TRIM2: variants seen among roughly 807,000 people sequenced by gnomAD.
TRIM2 encodes the protein tripartite motif containing 2, also known as tripartite motif-containing protein 2.
In TRIM2, 20 loss-of-function variants were observed where a neutral mutation model predicts 75.2. The ratio of observed to expected loss-of-function variants is 0.27; its 90% CI spans 0.19 to 0.39. The LOEUF is 0.39. Ranked by LOEUF, TRIM2 falls within the 10% of genes least tolerant of loss-of-function variation. TRIM2 has a pLI of 1.00. For missense variants in TRIM2, 660 were observed against 990.8 expected, an observed-to-expected ratio of 0.67 and a Z score of 4.48; for synonymous variants, 373 against 388.3, an observed-to-expected ratio of 0.96 and a Z score of 0.46.
intron 1 of TRIM2, among the ~76,000 whole-genome samples, chr4:153,175,486 G>C (rs778065235): frequency 2.0e-5 from 3 of 151,980 alleles, no homozygotes; most frequent in Non-Finnish European, 2.9e-5. Flanking sequence ...GGGAAACAGC[G>C]GGGGGAGGGG....
rs1560988857 is a variant in TRIM2, at chr4:153,308,051, A to G, written c.1511-7434A>G. On this transcript the variant is annotated intron_variant, in intron 6 of 11. Transcript: ENST00000338700. Reference sequence around the variant, plus strand: ...CTTTCTTGATGCTCTCCAACATGTCATAAGGACTGTAGCTCTTGTACCTAT... The same window carrying G: ...CTTTCTTGATGCTCTCCAACATGTCGTAAGGACTGTAGCTCTTGTACCTAT... The G allele has an allele frequency of 2.6e-4, 201 of 786,786 alleles. 1 individual carries two copies. In the South Asian group the frequency reaches 2.6e-3, roughly 10 times the overall value. 48.7% of individuals were successfully genotyped at this position (786,786 alleles called of 1,614,324 possible).
intron 1 of TRIM2, among the ~76,000 whole-genome samples, chr4:153,167,781 A>G (rs374549927): frequency 6.6e-6 from 1 of 152,200 alleles, no homozygotes; most frequent in African/African-American, 2.4e-5. Flanking sequence ...ACTTAGGTCA[A>G]ACCTTCACAA....
chr4:153,313,345 G>A (rs1022431026), intron 6 of TRIM2, among the ~76,000 whole-genome samples: 3 of 152,142 alleles, frequency 2.0e-5, no homozygotes, highest in Non-Finnish European at 4.4e-5. Flanking sequence ...CAGAGTTAGT[G>A]AGTAAACTTG....
chr4:153,280,503 G>A (rs973066912), intron 3 of TRIM2, among the ~76,000 whole-genome samples: 4 of 149,774 alleles, frequency 2.7e-5, no homozygotes, highest in African/African-American at 9.9e-5. Context: ...CCCTGTCTCA[G>A]CCTCCAGAGT....
At position 153,279,252 on chromosome 4, in the gene TRIM2, A is replaced by C. The variant is rs537869941; in HGVS notation, c.453+3122A>C. 7.6e-4 allele frequency among the ~76,000 whole-genome samples: 116 copies of C among 152,314 alleles called. 1 individual carries two copies. Among genetic ancestry groups the C allele is most frequent in the Non-Finnish European group, 8.7e-4 (59 of 68,032 alleles). On this transcript the variant is annotated intron_variant, in intron 3 of 11. Coordinates refer to ENST00000338700, the MANE Select transcript of TRIM2 (RefSeq NM_015271.5). Reference sequence around the variant, plus strand: ...CAACAATCTGCCTCCCACAAATAAAAAGGCCTGTGCTAAAGTCTGTTAAGC... The same window carrying C: ...CAACAATCTGCCTCCCACAAATAAACAGGCCTGTGCTAAAGTCTGTTAAGC...
In TRIM2 at chr4:153,277,895, A is replaced by G. The variant is rs191724678; in HGVS notation, c.453+1765A>G. Among the ~76,000 whole-genome samples the G allele has an allele frequency of 2.0e-5, 3 of 152,306 alleles. No homozygotes were observed. The East Asian group carries it at 5.8e-4, about 29-fold the overall frequency. ...AAATGCTGCTTTTGAAAGCAGGTTG[A>G]GTATTTTCCTCATGACCACTTCTCA... is the stretch of plus-strand genomic sequence containing the variant. On this transcript the variant is annotated intron_variant, in intron 3 of 11. Coordinates refer to ENST00000338700, the MANE Select transcript of TRIM2 (RefSeq NM_015271.5).
At chr4:153,217,217 C>T (rs534142381) in intron 1 of TRIM2, among the ~76,000 whole-genome samples, 5 of 152,060 alleles carry the variant, frequency 3.3e-5, no homozygotes, top group South Asian at 2.1e-4. Context: ...AAACTCCCCA[C>T]GGAGTATACA....
intron 1 of TRIM2, among the ~76,000 whole-genome samples, chr4:153,239,832 C>CTTTTTTTTT (rs142457664): frequency 1.1e-4 from 16 of 139,446 alleles, no homozygotes; most frequent in South Asian, 4.3e-4. Flanking sequence ...AACTTTCTTT[C>CTTTTTTTTT]TCTTTTTTTT....
intron 10 of TRIM2, 107 bp from the exon 11 acceptor site, chr4:153,328,423 A>G (rs1770715177): frequency 9.7e-6 from 10 of 1,027,896 alleles, no homozygotes; most frequent in Non-Finnish European, 1.2e-5. Context: ...GTCTTAAATG[A>G]TAAGTCTTGT....
chr4:153,159,824 C>G (rs949676578), intron 1 of TRIM2, among the ~76,000 whole-genome samples: 1 of 152,050 alleles, frequency 6.6e-6, no homozygotes, highest in African/African-American at 2.4e-5. Flanking sequence ...ACAGTAGCTC[C>G]GAGTTTAATT....
At chr4:153,194,406 C>T (rs1176802478) in intron 1 of TRIM2, among the ~76,000 whole-genome samples, 2 of 152,088 alleles carry the variant, frequency 1.3e-5, no homozygotes, top group Non-Finnish European at 1.5e-5. Context: ...TTTCATTCCA[C>T]TTAATCATTT....
rs1184516639 is a variant in TRIM2, at chr4:153,338,546, T to G, written c.*3580T>G. The stretch of plus-strand genomic sequence containing the variant: ...TTTAAACTTTATAATTACTTTAATA[T>G]TTTTGATAACTAGAAATCTAGTATT... On this transcript the variant is annotated 3_prime_UTR_variant, in exon 12 of 12. Coordinates refer to ENST00000338700, the MANE Select transcript of TRIM2 (RefSeq NM_015271.5). 1 of 983,876 alleles carries G rather than the reference T, an allele frequency of 1.0e-6. No individual in the cohort carries two copies. The highest frequency in any genetic ancestry group is 1.1e-4 in the East Asian group (1 of 8,822). The allele number at this position is 983,876 out of a possible 1,614,324, so 60.9% of individuals were successfully genotyped here. A position where few individuals can be genotyped will look rare whatever the true frequency, so the allele number is the denominator to read the frequency against.
chr4:153,324,276 G>T, intron 10 of TRIM2, 128 bp downstream of exon 10: 1 of 669,738 alleles, frequency 1.5e-6, no homozygotes, highest in Middle Eastern at 2.6e-4. Context: ...ACTTTGTTCT[G>T]CTCAAAGATG....
chr4:153,257,313 C>G, intron 1 of TRIM2: 1 of 746,758 alleles, frequency 1.3e-6, no homozygotes. Context: ...GCAAGCCACC[C>G]ACGAATCTCA....
At chr4:153,253,384 C>A (rs1463176038) in intron 1 of TRIM2, among the ~76,000 whole-genome samples, 1 of 152,178 alleles carries the variant, frequency 6.6e-6, no homozygotes, top group African/African-American at 2.4e-5. Flanking sequence ...TAGTTACCCA[C>A]CCCCACACAC....
chr4:153,285,501 T>C (rs1760402691), intron 3 of TRIM2, among the ~76,000 whole-genome samples: 2 of 152,154 alleles, frequency 1.3e-5, no homozygotes, highest in South Asian at 4.1e-4. Context: ...TGTAAATGGA[T>C]TTTTTTAAAA....
At chr4:153,153,436 C>A (rs979859327) in intron 1 of TRIM2, among the ~76,000 whole-genome samples, 5 of 151,608 alleles carry the variant, frequency 3.3e-5, no homozygotes, top group Non-Finnish European at 5.9e-5. Flanking sequence ...GGAGGTGGTG[C>A]GCGCTGGCGA....
intron 1 of TRIM2, among the ~76,000 whole-genome samples, chr4:153,174,357 A>G (rs528578768): frequency 2.0e-5 from 3 of 152,076 alleles, no homozygotes; most frequent in South Asian, 4.1e-4. Flanking sequence ...CTCTCCTGGT[A>G]TAAGATCCAG....
intron 3 of TRIM2, among the ~76,000 whole-genome samples, chr4:153,283,405 A>G (rs1156642172): frequency 1.3e-5 from 2 of 152,216 alleles, no homozygotes; most frequent in South Asian, 4.1e-4. Context: ...TAATGGCTAA[A>G]TAATATTCCA....
Sources: gnomAD v4.1 joint callset for allele counts (sites outside exome capture counted in the v4.1 genomes callset) on GRCh38, gnomAD v4.1.1 for gene constraint, MANE v1.5 for transcripts, NCBI Gene and HGNC (gene_info 2026-07-23, HGNC 2026-07-21) for gene names.